Variants in C2CD5 observed in about 807,000 individuals in gnomAD.
The protein encoded by C2CD5 is C2 calcium dependent domain containing 5.
A neutral mutation model predicts 130.3 loss-of-function variants in C2CD5; 109 were observed. The observed-to-expected ratio is 0.84, with a 90% CI of 0.72 to 0.98. The LOEUF (loss-of-function observed/expected upper bound fraction) is 0.98, where lower values mean the gene tolerates loss of function less well. Ranked by LOEUF, C2CD5 falls within the 50% of genes least tolerant of loss-of-function variation. The pLI is 0.00. For synonymous variants in C2CD5, 454 were observed against 429.2 expected (o/e 1.06, Z -0.71); for missense variants, 996 against 1,261.8 (o/e 0.79, Z 3.19).
intron 24 of C2CD5, among the ~76,000 whole-genome samples, 182 bp downstream of exon 24, chr12:22,458,297 AAAACT>A (rs1940386129): frequency 6.6e-6 from 1 of 152,216 alleles, no homozygotes; most frequent in South Asian, 2.1e-4. Context: ...TTCTATAGGT[AAAACT>A]AATAAATCTA....
At chr12:22,521,430 G>C (rs1206482622) in intron 7 of C2CD5, among the ~76,000 whole-genome samples, 1 of 152,080 alleles carries the variant, frequency 6.6e-6, no homozygotes, top group Non-Finnish European at 1.5e-5. Flanking sequence ...ATATCCCCTT[G>C]CTCTCTGTAT....
intron 22 of C2CD5, among the ~76,000 whole-genome samples, chr12:22,462,878 G>C (rs761786422): frequency 6.6e-6 from 1 of 152,050 alleles, no homozygotes; most frequent in Non-Finnish European, 1.5e-5. Flanking sequence ...GTTGAGCTCA[G>C]GAGCTCGAGA....
intron 2 of C2CD5, among the ~76,000 whole-genome samples, chr12:22,541,781 C>T (rs1454504315): frequency 6.6e-6 from 1 of 152,118 alleles, no homozygotes; most frequent in East Asian, 1.9e-4. Flanking sequence ...GCACCCATCC[C>T]AACTTGTAAC....
chr12:22,526,066 C>T (rs936862789), intron 4 of C2CD5, among the ~76,000 whole-genome samples: 3 of 152,128 alleles, frequency 2.0e-5, no homozygotes, highest in Admixed American at 6.5e-5. Context: ...CTGGATATAA[C>T]GCCATCACAA....
chr12:22,498,585 T>C (rs1271449619), intron 10 of C2CD5, among the ~76,000 whole-genome samples: 2 of 152,160 alleles, frequency 1.3e-5, no homozygotes, highest in Non-Finnish European at 2.9e-5. Flanking sequence ...ATAATTCTGA[T>C]GGCAAACAAA....
intron 10 of C2CD5, among the ~76,000 whole-genome samples, chr12:22,502,028 T>G (rs1947865537): frequency 6.6e-6 from 1 of 151,970 alleles, no homozygotes; most frequent in African/African-American, 2.4e-5. Context: ...ATTAGAAATG[T>G]ACATTATGTT....
chr12:22,524,583 A>G lies in C2CD5; in HGVS notation c.490T>C (p.Phe164Leu). The change falls in exon 6 of 27, where the codon TTT (phenylalanine) becomes CTT (leucine). Residue 164 changes from phenylalanine to leucine, a missense_variant. Coordinates refer to ENST00000446597, the MANE Select transcript of C2CD5 (RefSeq NM_001286176.2). ...KCYRAVIIHG[F>L]VEELVVNEDP... ...TCATTGACCACAAGTTCTTCTACAA[A>G]TCCATGAATTATCACAGCTCTATAG... 1 of 1,613,364 alleles carries G rather than the reference A, an allele frequency of 6.2e-7. No individual in the cohort carries two copies. Among genetic ancestry groups the G allele is most frequent in the Non-Finnish European group, 8.5e-7 (1 of 1,179,324 alleles).
rs1056736469 is a variant in C2CD5, at chr12:22,488,435, C to CT, written c.1358+1687dup. 3.0e-3 allele frequency among the ~76,000 whole-genome samples: 430 copies of CT among 143,578 alleles called. 2 individuals are homozygous for CT. The highest frequency in any genetic ancestry group is 7.0e-3 in the African/African-American group (276 of 39,404). The allele number at this position is 143,578 out of a possible 152,430, so 94.2% of individuals were successfully genotyped here. A position where few individuals can be genotyped will look rare whatever the true frequency, so the allele number is the denominator to read the frequency against. ...GAAAAGGCATTTTCCTTGTTTTTTT[C>CT]TTTTTTTTTTTACAACTAGGGGTGG... is the stretch of plus-strand genomic sequence containing the variant. On this transcript the variant is annotated intron_variant, in intron 12 of 26. Transcript: ENST00000446597.
chr12:22,458,583 T>C lies in C2CD5; in HGVS notation c.2587A>G (p.Thr863Ala), dbSNP rs1591932201. ...GCAAAGGAACTGTAATCAACTGACG[T>C]TGCTGAAAACACAGACAGAAAACAA... ...NSGIPAAQRATSVDYSSFADR... is the reference protein window; with the variant it reads ...NSGIPAAQRAASVDYSSFADR... Residue 863 changes from threonine to alanine, a missense_variant and splice_region_variant, in exon 24 of 27, where the codon ACG becomes GCG. Coordinates refer to ENST00000446597, the MANE Select transcript of C2CD5 (RefSeq NM_001286176.2). The C allele has an allele frequency of 1.6e-6, 2 of 1,263,172 alleles. No individual in the cohort carries two copies. Among genetic ancestry groups the C allele is most frequent in the Non-Finnish European group, 2.0e-6 (2 of 1,000,052 alleles). 78.2% of individuals were successfully genotyped at this position (1,263,172 alleles called of 1,614,324 possible).
Position 22,471,465 on chromosome 12 carries a change from A to G in C2CD5, c.2292T>C (p.Ser764=), listed in dbSNP as rs746495561. 7 of 1,596,908 alleles carry G rather than the reference A, an allele frequency of 4.4e-6. No individual in the cohort carries two copies. The East Asian group carries it at 1.1e-4, about 26-fold the overall frequency. The part of the protein sequence containing the change: ...LLKSLYFKLR[S]MIPCCLCHVN... ...CATGGCAAAGGCAGCAGGGGATCAT[A>G]GATCGTAGTTTAAAGTACAGGCTCT... The change falls in exon 20 of 27, where the codon TCT becomes TCC. Residue 764 remains serine (S), a synonymous_variant. Coordinates refer to ENST00000446597, the MANE Select transcript of C2CD5 (RefSeq NM_001286176.2).
intron 10 of C2CD5, among the ~76,000 whole-genome samples, chr12:22,493,972 T>A (rs941577811): frequency 6.6e-6 from 1 of 151,732 alleles, no homozygotes; most frequent in African/African-American, 2.4e-5. Context: ...TAAGGAAAAA[T>A]TTCAGATATA....
At chr12:22,467,168 C>A (rs1282175474) in intron 22 of C2CD5, among the ~76,000 whole-genome samples, 1 of 151,800 alleles carries the variant, frequency 6.6e-6, no homozygotes, top group Non-Finnish European at 1.5e-5. Context: ...TATTTGAAAT[C>A]ATTTTTTATT....
Position 22,448,991 on chromosome 12 carries a change from C to G in C2CD5, c.*769G>C, listed in dbSNP as rs984872584. 4 of 152,316 alleles carry G rather than the reference C, an allele frequency of 2.6e-5. No homozygotes were observed. Among genetic ancestry groups the G allele is most frequent in the Non-Finnish European group, 5.9e-5 (4 of 67,996 alleles). The allele number at this position is 152,316 out of a possible 1,614,324, so 9.4% of individuals were successfully genotyped here. A position where few individuals can be genotyped will look rare whatever the true frequency, so the allele number is the denominator to read the frequency against. On this transcript the variant is annotated 3_prime_UTR_variant, in exon 27 of 27. Coordinates refer to ENST00000446597, the MANE Select transcript of C2CD5 (RefSeq NM_001286176.2). ...TCCTACTAAGTCAACTGCATTTTTA[C>G]TACTTTAACAAAATTCACTGACATT...
chr12:22,469,269 A>G (rs1249622380), intron 22 of C2CD5, among the ~76,000 whole-genome samples: 2 of 152,142 alleles, frequency 1.3e-5, no homozygotes. Context: ...TCTCACTTGT[A>G]CTACTCCCAC....
At chr12:22,502,755 C>A (rs1286751881) in intron 10 of C2CD5, 1 of 1,529,404 alleles carries the variant, frequency 6.5e-7, no homozygotes, top group East Asian at 2.5e-5. Flanking sequence ...TGAAACTATT[C>A]CAGTCTAGCA....
chr12:22,520,621 A>G (rs973587699), intron 7 of C2CD5, among the ~76,000 whole-genome samples: 8 of 152,176 alleles, frequency 5.3e-5, no homozygotes, highest in African/African-American at 1.2e-4. Flanking sequence ...GAGAAAAAGT[A>G]TAAGAATTCT....
chr12:22,465,636 TCCC>T (rs916934118), intron 22 of C2CD5, among the ~76,000 whole-genome samples: 31 of 151,826 alleles, frequency 2.0e-4, no homozygotes, highest in Admixed American at 2.0e-3. Flanking sequence ...CAACCCAGAT[TCCC>T]CCCCATTTTG....
chr12:22,460,414 T>G (rs772511043), intron 22 of C2CD5: 1 of 152,166 alleles, frequency 6.6e-6, no homozygotes, highest in Non-Finnish European at 1.5e-5. Context: ...TAAGTATAGA[T>G]AGATAAATAT....
intron 2 of C2CD5, among the ~76,000 whole-genome samples, chr12:22,543,140 A>G (rs1162335443): frequency 6.6e-6 from 1 of 152,270 alleles, no homozygotes; most frequent in Non-Finnish European, 1.5e-5. Flanking sequence ...ATCGAGCTAT[A>G]TATTATGATA....
Sources: gnomAD v4.1 joint callset for allele counts (sites outside exome capture counted in the v4.1 genomes callset) on GRCh38, gnomAD v4.1.1 for gene constraint, MANE v1.5 for transcripts, NCBI Gene and HGNC (gene_info 2026-07-23, HGNC 2026-07-21) for gene names.